RNF111: variants seen among roughly 807,000 people sequenced by gnomAD.
RNF111 encodes the protein ring finger protein 111.
In RNF111, 17 loss-of-function variants were observed where a neutral mutation model predicts 95.1. That is an observed-to-expected ratio of 0.18 (90% CI 0.12 to 0.27). The LOEUF (loss-of-function observed/expected upper bound fraction) is 0.27, where lower values mean the gene tolerates loss of function less well. Among genes scored for constraint, RNF111 ranks in the 10% least tolerant of loss-of-function variants. The pLI is 1.00. For missense variants in RNF111, 1,189 were observed against 1,210.4 expected, an observed-to-expected ratio of 0.98 and a Z score of 0.26; for synonymous variants, 440 against 414.8, an observed-to-expected ratio of 1.06 and a Z score of -0.74.
chr15:59,002,862 A>G (rs1487040069), intron 1 of RNF111, among the ~76,000 whole-genome samples: 9 of 152,110 alleles, frequency 5.9e-5, no homozygotes, highest in African/African-American at 1.9e-4. Context: ...TCTCCCAGGA[A>G]TACTCTTCCT....
intron 2 of RNF111, among the ~76,000 whole-genome samples, chr15:59,042,082 CA>C (rs1208391167): frequency 1.3e-5 from 2 of 151,040 alleles, no homozygotes; most frequent in African/African-American, 4.9e-5. Flanking sequence ...ACATTTTTCA[CA>C]AATTAATTAG....
At position 59,085,793 on chromosome 15, in the gene RNF111, G is replaced by T; in HGVS notation, c.2550+8G>T. The T allele has an allele frequency of 6.2e-7, 1 of 1,608,304 alleles. No individual in the cohort carries two copies. On this transcript the variant is annotated splice_region_variant and intron_variant, in intron 10 of 13. Transcript: ENST00000348370. ...GGAGCTCTTCCTTTAATGGTAAAAT[G>T]GAAAATTTTCAAAATTTTGACATGT...
intron 1 of RNF111, among the ~76,000 whole-genome samples, chr15:58,990,128 G>A (rs867547835): frequency 3.9e-5 from 6 of 152,172 alleles, no homozygotes; most frequent in Non-Finnish European, 8.8e-5. Context: ...ATCTTTGCTT[G>A]CTATACATTA....
At chr15:59,024,514 G>C (rs1254721830) in intron 1 of RNF111, among the ~76,000 whole-genome samples, 1 of 152,108 alleles carries the variant, frequency 6.6e-6, no homozygotes, top group Non-Finnish European at 1.5e-5. Context: ...GAGGAAGAGA[G>C]GGTGATTTTT....
At chr15:59,085,549 G>T (rs1288428216) in intron 9 of RNF111, 110 bp from the exon 10 acceptor site, 2 of 913,826 alleles carry the variant, frequency 2.2e-6, no homozygotes, top group Non-Finnish European at 1.5e-6. Context: ...CCTCAGCTTT[G>T]TAAGTTAAGA....
chr15:59,050,925 G>A (rs1566911465), intron 2 of RNF111, among the ~76,000 whole-genome samples: 1 of 152,130 alleles, frequency 6.6e-6, no homozygotes, highest in African/African-American at 2.4e-5. Flanking sequence ...AATTAATGGG[G>A]TAAAAAAGAT....
chr15:59,089,574 G>A, intron 10 of RNF111, 93 bp from the exon 11 acceptor site: 1 of 967,136 alleles, frequency 1.0e-6, no homozygotes, highest in Non-Finnish European at 1.6e-6. Context: ...CAGTTGAATT[G>A]AAAACATTGA....
At chr15:58,999,569 C>T (rs889996013) in intron 1 of RNF111, among the ~76,000 whole-genome samples, 2 of 152,182 alleles carry the variant, frequency 1.3e-5, no homozygotes, top group African/African-American at 4.8e-5. Flanking sequence ...CTCCTGACCT[C>T]AGGTGATCCG....
intron 1 of RNF111, among the ~76,000 whole-genome samples, chr15:59,013,861 T>C (rs1019369651): frequency 6.6e-6 from 1 of 152,086 alleles, no homozygotes; most frequent in Non-Finnish European, 1.5e-5. Context: ...CTTTCTTGGC[T>C]CACTGCAACC....
In RNF111 at chr15:59,076,037, C is replaced by T. The variant is rs747388455; in HGVS notation, c.1770C>T (p.Pro590=). The change falls in exon 7 of 14, where the codon CCC becomes CCT. Residue 590 remains proline (P), a synonymous_variant. Transcript: ENST00000348370. ...GSFHGASAFD[P]CCPVSSSRAA... ...TTCATGGAGCATCTGCATTTGACCC[C>T]TGCTGCCCTGTTTCTTCCTCCCGAG... The T allele has an allele frequency of 7.4e-6, 12 of 1,614,102 alleles. No individual in the cohort carries two copies. Among genetic ancestry groups the T allele is most frequent in the Non-Finnish European group, 8.5e-7 (1 of 1,180,048 alleles).
intron 1 of RNF111, among the ~76,000 whole-genome samples, chr15:58,990,613 C>T (rs1434955564): frequency 6.6e-6 from 1 of 152,186 alleles, no homozygotes; most frequent in Admixed American, 6.5e-5. Context: ...TCGTGCCACT[C>T]ACTGCACTCC....
rs939336960 is a variant in RNF111 at position 59,096,954 on chromosome 15, C to T, written c.*2054C>T. ...GAATACTACATCAGATTTAGATGCA[C>T]GACTACCTGTTGACTTGTTTTATAA... is the stretch of plus-strand genomic sequence containing the variant. On this transcript the variant is annotated 3_prime_UTR_variant, in exon 14 of 14. Coordinates refer to ENST00000348370, the MANE Select transcript of RNF111 (RefSeq NM_017610.8). The T allele has an allele frequency of 6.6e-6, 1 of 152,114 alleles. No individual in the cohort carries two copies. The highest frequency in any genetic ancestry group is 1.5e-5 in the Non-Finnish European group (1 of 68,008). The allele number at this position is 152,114 out of a possible 1,614,324, so 9.4% of individuals were successfully genotyped here. A position where few individuals can be genotyped will look rare whatever the true frequency, so the allele number is the denominator to read the frequency against.
chr15:59,086,867 T>C (rs1596309241), intron 10 of RNF111, among the ~76,000 whole-genome samples: 1 of 152,216 alleles, frequency 6.6e-6, no homozygotes, highest in African/African-American at 2.4e-5. Context: ...TTTAGAGTTA[T>C]TTAATCAGAT....
In RNF111 at chr15:59,022,661, T is replaced by G. The variant is rs193006735; in HGVS notation, c.-19-8143T>G. 1.0e-3 allele frequency among the ~76,000 whole-genome samples: 156 copies of G among 152,326 alleles called. 1 individual carries two copies. Among genetic ancestry groups the G allele is most frequent in the African/African-American group, 3.6e-3 (151 of 41,578 alleles). On this transcript the variant is annotated intron_variant, in intron 1 of 13. Coordinates refer to ENST00000348370, the MANE Select transcript of RNF111 (RefSeq NM_017610.8). ...ATAGTGAACGTCTTTGGGTTTAGGT[T>G]GTTTAACCTCTTCACACTCCATATA...
chr15:59,077,572 T>G (rs2078602976), intron 7 of RNF111, among the ~76,000 whole-genome samples: 1 of 152,244 alleles, frequency 6.6e-6, no homozygotes, highest in Non-Finnish European at 1.5e-5. Flanking sequence ...AACAGTATAT[T>G]TTGATTTTTG....
At position 59,090,370 on chromosome 15, in the gene RNF111, C is replaced by T. The variant is rs138732174; in HGVS notation, c.2643+611C>T. On this transcript the variant is annotated intron_variant, in intron 11 of 13. Coordinates refer to ENST00000348370, the MANE Select transcript of RNF111 (RefSeq NM_017610.8). ...TCGGCTTCCTGAGTAGCTGGGATTA[C>T]AGGTGCCCGCCACCACGCCCGGCTA... is the stretch of plus-strand genomic sequence containing the variant. Among the ~76,000 whole-genome samples, 664 of 152,280 alleles carry T rather than the reference C, an allele frequency of 4.4e-3. 4 individuals carry two copies. Among genetic ancestry groups the T allele is most frequent in the Middle Eastern group, 0.031 (9 of 294 alleles).
chr15:59,031,952 T>C (rs2040931193), intron 2 of RNF111, among the ~76,000 whole-genome samples: 1 of 152,186 alleles, frequency 6.6e-6, no homozygotes, highest in African/African-American at 2.4e-5. Context: ...TACTTTTTTT[T>C]TTCTGAAACA....
chr15:59,062,051 CTT>C (rs71119429), intron 5 of RNF111, among the ~76,000 whole-genome samples: 18 of 122,240 alleles, frequency 1.5e-4, no homozygotes, highest in Non-Finnish European at 2.2e-4. Context: ...TTTTAAACTT[CTT>C]TTTTTTTTTT....
chr15:59,058,757 T>A (rs2042307237), intron 5 of RNF111: 1 of 509,800 alleles, frequency 2.0e-6, no homozygotes, highest in African/African-American at 1.9e-5. Flanking sequence ...CAGAGTATTA[T>A]AGCTCAAATA....
Sources: allele counts gnomAD v4.1 joint callset (sites outside exome capture counted in the v4.1 genomes callset), GRCh38; gene constraint gnomAD v4.1.1; transcripts MANE v1.5; gene names NCBI Gene and HGNC (gene_info 2026-07-23, HGNC 2026-07-21).